Variants in SULT1A1 observed in about 807,000 individuals in gnomAD.
The protein encoded by SULT1A1 is sulfotransferase family 1A member 1.
In SULT1A1, 35 loss-of-function variants were observed where a neutral mutation model predicts 36.8. That is an observed-to-expected ratio of 0.95 (90% CI 0.73 to 1.26). The LOEUF is 1.26. Among genes scored for constraint, SULT1A1 ranks in the 50% most tolerant of loss-of-function variants. The pLI, the probability that SULT1A1 is intolerant of heterozygous loss-of-function variation, is 0.00. For missense variants in SULT1A1, 309 were observed against 383.0 expected, an observed-to-expected ratio of 0.81 and a Z score of 1.61; for synonymous variants, 119 against 146.0, an observed-to-expected ratio of 0.82 and a Z score of 1.33.
intron 4 of SULT1A1, chr16:28,607,980 T>A (rs1400779458): frequency 5.5e-6 from 1 of 182,286 alleles, no homozygotes. Flanking sequence ...TTATTTTTAT[T>A]TATATATTTA....
intron 3 of SULT1A1, 35 bp from the exon 4 acceptor site, chr16:28,608,423 A>G: frequency 1.9e-6 from 3 of 1,612,414 alleles, no homozygotes; most frequent in Non-Finnish European, 2.5e-6. Context: ...TGGTGAGCTG[A>G]AGCCCCAGCC....
intron 2 of SULT1A1, among the ~76,000 whole-genome samples, chr16:28,619,063 T>G (rs958263627): frequency 6.6e-6 from 1 of 152,214 alleles, no homozygotes; most frequent in Non-Finnish European, 1.5e-5. Context: ...TTGCCCAGGC[T>G]GGAGTGCAGT....
At chr16:28,607,341 G>A (rs1400634380) in intron 4 of SULT1A1, 28 of 583,172 alleles carry the variant, frequency 4.8e-5, no homozygotes, top group Non-Finnish European at 6.9e-5. Context: ...TGCTCCACCA[G>A]CCGTGATCCC....
At chr16:28,623,103 C>T (rs1161323042) in intron 1 of SULT1A1, 10 of 1,470,880 alleles carry the variant, frequency 6.8e-6, no homozygotes, top group Non-Finnish European at 9.2e-6. Flanking sequence ...CTGGTCCCAC[C>T]CCCCAGGTTC....
rs1968752 is a variant in SULT1A1 at position 28,620,264 on chromosome 16, T to G, written c.68-131A>C. ...ATCCATCAATATGACCCTCTGATCC[T>G]ACAGTGAAAAGAGAACATAGACAGG... On this transcript the variant is annotated intron_variant, in intron 1 of 5. Transcript: ENST00000350842. 528,136 of 827,720 alleles carry G rather than the reference T, an allele frequency of 0.64. 172,672 individuals carry two copies. The highest frequency in any genetic ancestry group is 0.92 in the East Asian group (32,258 of 35,032). 51.3% of individuals were successfully genotyped at this position (827,720 alleles called of 1,614,324 possible). A position where few individuals can be genotyped will look rare whatever the true frequency, so the allele number is the denominator to read the frequency against.
chr16:28,618,732 G>C (rs898971831), intron 2 of SULT1A1, among the ~76,000 whole-genome samples: 4 of 152,096 alleles, frequency 2.6e-5, no homozygotes, highest in African/African-American at 9.7e-5. Flanking sequence ...GTAACCCTTG[G>C]AAACCTTCTC....
upstream of SULT1A1, chr16:28,610,158 C>A (rs747715265): frequency 1.2e-5 from 16 of 1,284,598 alleles, no homozygotes; most frequent in East Asian, 8.4e-4. Context: ...TGGAGACAAG[C>A]TTAAAGTGAT....
At chr16:28,606,378 C>T in intron 6 of SULT1A1, 142 bp from the exon 7 acceptor site, 4 of 1,452,676 alleles carry the variant, frequency 2.8e-6, no homozygotes, top group Non-Finnish European at 3.8e-6. Context: ...CCCCAGGGCC[C>T]CAGTCCCGGG....
rs760535405 is a variant in SULT1A1 at position 28,606,782 on chromosome 16, G to T, written c.573C>A (p.Leu191=). 8.7e-6 allele frequency: 14 copies of T among 1,612,448 alleles called. No homozygotes were observed. Among genetic ancestry groups the T allele is most frequent in the Non-Finnish European group, 1.2e-5 (14 of 1,178,682 alleles). The change falls in exon 6 of 8, where the codon CTC becomes CTA. Residue 191 remains leucine (L), a synonymous_variant. Transcript: ENST00000314752. The part of the protein sequence containing the change: ...ELSRTHPVLY[L]FYEDMKENPK... ...TCACCTCCTTCATGTCTTCATAGAA[G>T]AGGTAGAGAACAGGGTGGGTGCGGC...
chr16:28,617,826 G>C (rs766273454), intron 2 of SULT1A1, among the ~76,000 whole-genome samples: 13 of 151,726 alleles, frequency 8.6e-5, no homozygotes, highest in Non-Finnish European at 1.6e-4. Context: ...TGTCGTGCCC[G>C]GCCGACAATT....
At chr16:28,615,695 C>G (rs568698832) in intron 2 of SULT1A1, among the ~76,000 whole-genome samples, 6 of 152,156 alleles carry the variant, frequency 3.9e-5, no homozygotes, top group African/African-American at 1.4e-4. Flanking sequence ...GTAGTGGCCC[C>G]GAACGTCGGG....
intron 2 of SULT1A1, among the ~76,000 whole-genome samples, chr16:28,617,123 C>G (rs144603512): frequency 1.3e-5 from 2 of 152,008 alleles, no homozygotes; most frequent in African/African-American, 4.8e-5. Flanking sequence ...TCAGGAGATC[C>G]TCCCACCTCA....
At chr16:28,611,596 C>T (rs2047454941), upstream of SULT1A1, 1 of 152,072 alleles carries the variant, frequency 6.6e-6, no homozygotes, top group East Asian at 1.9e-4. Context: ...CCTTGTAGGG[C>T]ATGAGACACT....
In SULT1A1 at chr16:28,608,381, C is replaced by T. The variant is rs1473207471; in HGVS notation, c.282G>A (p.Glu94=). 1 of 1,612,336 alleles carries T rather than the reference C, an allele frequency of 6.2e-7. No homozygotes were observed. The highest frequency in any genetic ancestry group is 1.3e-5 in the African/African-American group (1 of 74,870). The change falls in exon 4 of 8, where the codon GAG becomes GAA. Residue 94 remains glutamate, a synonymous_variant. Transcript: ENST00000314752. ...GTGGGGCCGGTGTGTCTTTCAGAGT[C>T]TCCATCCCTGAGCAGTGGGTCAGGG... ...FKAPGIPSGM[E]TLKDTPAPRL...
chr16:28,608,235 C>T, intron 4 of SULT1A1, 56 bp downstream of exon 4: 2 of 1,602,212 alleles, frequency 1.2e-6, no homozygotes, highest in Non-Finnish European at 8.5e-7. Context: ...GATCTGCCTG[C>T]CTCAGCCTCC....
intron 1 of SULT1A1, chr16:28,623,112 T>TCCCCCCCCCCGC: frequency 9.7e-7 from 1 of 1,029,428 alleles, no homozygotes; most frequent in East Asian, 3.3e-5. Context: ...CCCCCCAGGT[T>TCCCCCCCCCCGC]CCCCCCCCGG....
exon 1 of SULT1A1, chr16:28,623,211 C>G: frequency 6.5e-7 from 1 of 1,546,338 alleles, no homozygotes; most frequent in South Asian, 1.2e-5. Flanking sequence ...GCGCGGCGCT[C>G]GGCCCGGGAG....
chr16:28,617,367 TA>T (rs1312892839), intron 2 of SULT1A1, among the ~76,000 whole-genome samples: 3 of 152,134 alleles, frequency 2.0e-5, no homozygotes, highest in Non-Finnish European at 4.4e-5. Flanking sequence ...CTGTGCTGAG[TA>T]CCCATGGGCT....
chr16:28,608,738 C>T lies in SULT1A1; in HGVS notation c.118G>A (p.Asp40Asn). The change falls in exon 2 of 8, where the codon GAC (aspartate) becomes AAC (asparagine). Residue 40 changes from aspartate (D) to asparagine (N), a missense_variant. Transcript: ENST00000314752. ...TTGGGGTAGGTGCTGATGAGCAGGT[C>T]ATCAGGCCGGGCCTGGAAGCTCTGC... is the stretch of plus-strand genomic sequence containing the variant. Reference protein sequence around the residue: ...PLQSFQARPDDLLISTYPKSG... With the variant: ...PLQSFQARPDNLLISTYPKSG... 1.9e-5 allele frequency: 31 copies of T among 1,612,970 alleles called. No individual in the cohort carries two copies. Among genetic ancestry groups the T allele is most frequent in the Non-Finnish European group, 2.6e-5 (31 of 1,179,376 alleles).
Sources: gnomAD v4.1 joint callset for allele counts (sites outside exome capture counted in the v4.1 genomes callset) on GRCh38, gnomAD v4.1.1 for gene constraint, MANE v1.5 for transcripts, NCBI Gene and HGNC (gene_info 2026-07-23, HGNC 2026-07-21) for gene names.